SLC9A9: variants seen among roughly 807,000 people sequenced by gnomAD.
The protein encoded by SLC9A9 is sodium/hydrogen exchanger 9.
Under a neutral mutation model 77.8 loss-of-function variants are expected in SLC9A9, and 62 were observed. The observed-to-expected ratio is 0.80, with a 90% confidence interval of 0.65 to 0.98. The LOEUF (loss-of-function observed/expected upper bound fraction) is 0.98, where lower values mean the gene tolerates loss of function less well. SLC9A9 is among the 50% of genes least tolerant of loss of function. The pLI, the probability that SLC9A9 is intolerant of heterozygous loss-of-function variation, is 0.00. For synonymous variants in SLC9A9, 320 were observed against 283.5 expected (o/e 1.13, Z -1.29); for missense variants, 775 against 774.9 (o/e 1.00, Z 0.00).
intron 4 of SLC9A9, among the ~76,000 whole-genome samples, chr3:143,757,125 G>C (rs1450433355): frequency 6.6e-6 from 1 of 152,070 alleles, no homozygotes; most frequent in Non-Finnish European, 1.5e-5. Flanking sequence ...TGTAAACTAT[G>C]GTAGAGATGA....
intron 14 of SLC9A9, among the ~76,000 whole-genome samples, chr3:143,283,035 T>A (rs2108408588): frequency 6.6e-6 from 1 of 152,356 alleles, no homozygotes; most frequent in South Asian, 2.1e-4. Flanking sequence ...TCCTCTCTTG[T>A]TAGACTGTGA....
rs184530185 is a variant in SLC9A9, at chr3:143,266,987, G to A, written c.1711-58C>T. ...ATGATGAAGGCAGAAAACAATAGCA[G>A]TCCTACAATTTTTTTTTTTTTTTAA... On this transcript the variant is annotated intron_variant, in intron 15 of 15. Transcript: ENST00000316549. 7.2e-4 allele frequency: 1,084 copies of A among 1,516,076 alleles called. 6 individuals are homozygous for A. In the African/African-American group the frequency reaches 0.013, roughly 19 times the overall value. 93.9% of individuals were successfully genotyped at this position (1,516,076 alleles called of 1,614,324 possible). A position where few individuals can be genotyped will look rare whatever the true frequency, so the allele number is the denominator to read the frequency against.
intron 14 of SLC9A9, among the ~76,000 whole-genome samples, chr3:143,299,499 A>G (rs1224317369): frequency 1.3e-5 from 2 of 150,400 alleles, no homozygotes; most frequent in South Asian, 2.1e-4. Flanking sequence ...GTTGGAGTGC[A>G]GTGGTGTTTT....
intron 9 of SLC9A9, among the ~76,000 whole-genome samples, chr3:143,528,256 C>T (rs907282270): frequency 4.6e-5 from 7 of 152,064 alleles, no homozygotes; most frequent in South Asian, 2.1e-4. Flanking sequence ...CTCCTTTTAG[C>T]GGCCAGCAAA....
chr3:143,826,104 C>T (rs1268714443), intron 2 of SLC9A9, among the ~76,000 whole-genome samples: 2 of 151,922 alleles, frequency 1.3e-5, no homozygotes, highest in Non-Finnish European at 2.9e-5. Flanking sequence ...ACTAAGAATA[C>T]GAAAAGTAGC....
intron 2 of SLC9A9, among the ~76,000 whole-genome samples, chr3:143,829,011 C>T (rs985154025): frequency 3.3e-5 from 5 of 152,152 alleles, no homozygotes; most frequent in African/African-American, 1.2e-4. Context: ...GTCACACAGT[C>T]ATCAGTATGT....
At chr3:143,306,855 G>A (rs942876469) in intron 14 of SLC9A9, among the ~76,000 whole-genome samples, 1 of 152,178 alleles carries the variant, frequency 6.6e-6, no homozygotes, top group South Asian at 2.1e-4. Flanking sequence ...TCTCAGCCCT[G>A]TCTTTCCCTG....
chr3:143,628,090 G>GT (rs1450598369), intron 6 of SLC9A9, among the ~76,000 whole-genome samples: 2 of 152,146 alleles, frequency 1.3e-5, no homozygotes, highest in Non-Finnish European at 2.9e-5. Context: ...CTTTCTCACT[G>GT]TAACTGCTGG....
chr3:143,653,766 A>G (rs1045253259), intron 5 of SLC9A9, among the ~76,000 whole-genome samples: 4 of 152,146 alleles, frequency 2.6e-5, no homozygotes, highest in Admixed American at 2.6e-4. Flanking sequence ...CAGGACAGGA[A>G]GAGGCCCGGA....
At chr3:143,648,960 A>C (rs974995493) in intron 6 of SLC9A9, among the ~76,000 whole-genome samples, 8 of 152,172 alleles carry the variant, frequency 5.3e-5, no homozygotes, top group Non-Finnish European at 1.2e-4. Flanking sequence ...TGTTCATTTC[A>C]CTGGATCCTT....
intron 4 of SLC9A9, among the ~76,000 whole-genome samples, chr3:143,728,523 C>T (rs1322071936): frequency 6.6e-6 from 1 of 151,924 alleles, no homozygotes; most frequent in Admixed American, 6.6e-5. Flanking sequence ...AGTGCCTTGC[C>T]AGTGGTGGTA....
At chr3:143,665,873 T>C (rs147354888) in intron 5 of SLC9A9, among the ~76,000 whole-genome samples, 19 of 152,256 alleles carry the variant, frequency 1.2e-4, no homozygotes, top group African/African-American at 4.1e-4. Flanking sequence ...CGGGACCAGA[T>C]GGATTCACAG....
At position 143,819,069 on chromosome 3, in the gene SLC9A9, T is replaced by TGA. The variant is rs200317917; in HGVS notation, c.378+12948_378+12949dup. On this transcript the variant is annotated intron_variant, in intron 2 of 15. Coordinates refer to ENST00000316549, the MANE Select transcript of SLC9A9 (RefSeq NM_173653.4). ...TGCACTCCAGCCTGGGCAACAAGAG[T>TGA]GAAACTCTGTCTCAAAAAAAAGGAG... Among the ~76,000 whole-genome samples the TGA allele has an allele frequency of 9.0e-4, 136 of 151,792 alleles. 1 individual carries two copies. Among genetic ancestry groups the TGA allele is most frequent in the Admixed American group, 6.8e-3 (103 of 15,248 alleles).
chr3:143,705,242 AAAT>A (rs1933939282), intron 4 of SLC9A9, among the ~76,000 whole-genome samples: 1 of 152,082 alleles, frequency 6.6e-6, no homozygotes, highest in Non-Finnish European at 1.5e-5. Context: ...CTAAAAATGA[AAAT>A]AATTGAACTC....
At position 143,268,959 on chromosome 3, in the gene SLC9A9, G is replaced by A. The variant is rs183105391; in HGVS notation, c.1626C>T (p.Thr542=). 8.7e-6 allele frequency: 14 copies of A among 1,613,394 alleles called. No individual in the cohort carries two copies. Among genetic ancestry groups the A allele is most frequent in the East Asian group, 2.2e-5 (1 of 44,816 alleles). The change falls in exon 15 of 16, where the codon ACC becomes ACT. Residue 542 remains threonine (T), a synonymous_variant. Coordinates refer to ENST00000316549, the MANE Select transcript of SLC9A9 (RefSeq NM_173653.4). ...TTGTAGTCAGCGGAGGACCAGAGTG[G>A]GTTAAAATTGGTTTCAGATACCTGG... ...FDHKYLKPIL[T]HSGPPLTTTL...
Position 143,275,880 on chromosome 3 carries a change from C to T in SLC9A9, c.1605-6900G>A, listed in dbSNP as rs190721550. On this transcript the variant is annotated intron_variant, in intron 14 of 15. Transcript: ENST00000316549. Reference sequence around the variant, plus strand: ...TATTCGTTTCTATTATTCACTTTTACGTGAAATTCATTTTCCTAAGAGAAT... The same window carrying T: ...TATTCGTTTCTATTATTCACTTTTATGTGAAATTCATTTTCCTAAGAGAAT... 3.6e-3 allele frequency among the ~76,000 whole-genome samples: 550 copies of T among 152,238 alleles called. 2 individuals are homozygous for T. Among genetic ancestry groups the T allele is most frequent in the African/African-American group, 0.013 (526 of 41,530 alleles).
chr3:143,816,884 T>A (rs1247297847), intron 2 of SLC9A9, among the ~76,000 whole-genome samples: 2 of 152,156 alleles, frequency 1.3e-5, no homozygotes, highest in Non-Finnish European at 2.9e-5. Context: ...TATCTTAAAG[T>A]TTTTCATTAC....
rs540294933 is a variant in SLC9A9 at position 143,375,917 on chromosome 3, T to C, written c.1524+6143A>G. Among the ~76,000 whole-genome samples, 5 of 152,364 alleles carry C rather than the reference T, an allele frequency of 3.3e-5. No homozygotes were observed. In the South Asian group the frequency reaches 1.0e-3, roughly 32 times the overall value. The stretch of plus-strand genomic sequence containing the variant: ...TTTCTCAAACAGGTAGGCATGTTCC[T>C]GCCTCAGGGCCCTTGTCTTGTCTAG... On this transcript the variant is annotated intron_variant, in intron 13 of 15. Transcript: ENST00000316549.
chr3:143,844,940 A>G (rs1270453307), intron 1 of SLC9A9, among the ~76,000 whole-genome samples: 2 of 151,942 alleles, frequency 1.3e-5, no homozygotes, highest in African/African-American at 4.8e-5. Flanking sequence ...GCAAAAGCTA[A>G]GAGTTTAATC....
Sources: allele counts gnomAD v4.1 joint callset (sites outside exome capture counted in the v4.1 genomes callset), GRCh38; gene constraint gnomAD v4.1.1; transcripts MANE v1.5; gene names NCBI Gene and HGNC (gene_info 2026-07-23, HGNC 2026-07-21).